SAMD4A: variants seen among roughly 807,000 people sequenced by gnomAD.
SAMD4A encodes sterile alpha motif domain containing 4A, also known as protein Smaug homolog 1.
Under a neutral mutation model 81.3 loss-of-function variants are expected in SAMD4A, and 33 were observed. The ratio of observed to expected loss-of-function variants is 0.41; its 90% CI spans 0.31 to 0.54. The LOEUF (loss-of-function observed/expected upper bound fraction) is 0.54. Ranked by LOEUF, SAMD4A falls within the 20% of genes least tolerant of loss-of-function variation. SAMD4A has a pLI of 0.37. For missense variants in SAMD4A, 854 were observed against 951.1 expected (o/e 0.90, Z 1.34); for synonymous variants, 389 against 382.1 (o/e 1.02, Z -0.21).
intron 2 of SAMD4A, among the ~76,000 whole-genome samples, chr14:54,673,219 G>A (rs2035922662): frequency 6.6e-6 from 1 of 152,166 alleles, no homozygotes; most frequent in African/African-American, 2.4e-5. Context: ...CTGTCTGACA[G>A]CCAAGTCACC....
At chr14:54,775,216 G>C in intron 10 of SAMD4A, 81 bp downstream of exon 10, 1 of 1,538,196 alleles carries the variant, frequency 6.5e-7, no homozygotes, top group African/African-American at 1.4e-5. Context: ...TGACCCCAGG[G>C]TGGGGAGAGA....
At chr14:54,624,077 G>C (rs1419121208) in intron 2 of SAMD4A, among the ~76,000 whole-genome samples, 3 of 152,152 alleles carry the variant, frequency 2.0e-5, no homozygotes, top group Non-Finnish European at 4.4e-5. Flanking sequence ...CCGGGTTCTA[G>C]CGATTCACTT....
At chr14:54,695,438 A>C (rs2036550216) in intron 2 of SAMD4A, among the ~76,000 whole-genome samples, 1 of 152,240 alleles carries the variant, frequency 6.6e-6, no homozygotes, top group Non-Finnish European at 1.5e-5. Flanking sequence ...GAGCATCTTC[A>C]TAATTGGTGT....
chr14:54,617,992 G>T (rs1349381421), intron 2 of SAMD4A, among the ~76,000 whole-genome samples: 1 of 152,170 alleles, frequency 6.6e-6, no homozygotes, highest in East Asian at 1.9e-4. Context: ...GATATAATTT[G>T]ATCTTTAAGA....
chr14:54,635,148 C>T (rs773562701), intron 2 of SAMD4A, among the ~76,000 whole-genome samples: 27 of 152,180 alleles, frequency 1.8e-4, no homozygotes, highest in Non-Finnish European at 3.5e-4. Flanking sequence ...TCCAGCTGGG[C>T]GCTGTGGCTC....
In SAMD4A at chr14:54,568,013, G is replaced by C. The variant is rs755888244; in HGVS notation, c.97G>C (p.Val33Leu). Reference protein sequence around the residue: ...TVALLSLLKRVSQTQARFLQL... With the variant: ...TVALLSLLKRLSQTQARFLQL... ...TGCGCTGCTGTCGCTGCTCAAGCGC[G>C]TGAGCCAGACCCAGGCCCGCTTCCT... is the stretch of plus-strand genomic sequence containing the variant. Residue 33 changes from valine (V) to leucine (L), a missense_variant, in exon 2 of 13, where the codon GTG becomes CTG. By Grantham distance (32) the Val-to-Leu change is conservative (BLOSUM62 1). Coordinates refer to ENST00000554335, the MANE Select transcript of SAMD4A (RefSeq NM_015589.6). 4 of 1,607,686 alleles carry C rather than the reference G, an allele frequency of 2.5e-6. No individual in the cohort carries two copies. The East Asian group carries it at 8.9e-5, about 36-fold the overall frequency.
chr14:54,688,931 C>T (rs117372883), intron 2 of SAMD4A, among the ~76,000 whole-genome samples: 98 of 116,058 alleles, frequency 8.4e-4, no homozygotes, highest in Middle Eastern at 4.7e-3. Flanking sequence ...AGTCGTAATT[C>T]TTTTTTTTTT....
intron 2 of SAMD4A, among the ~76,000 whole-genome samples, chr14:54,678,333 T>G (rs774610976): frequency 5.3e-5 from 8 of 152,164 alleles, no homozygotes; most frequent in Non-Finnish European, 1.0e-4. Flanking sequence ...GAAGGTTTTA[T>G]GACCTGCCTC....
At chr14:54,631,174 G>A (rs2034896241) in intron 2 of SAMD4A, among the ~76,000 whole-genome samples, 1 of 152,122 alleles carries the variant, frequency 6.6e-6, no homozygotes, top group Admixed American at 6.5e-5. Context: ...CTTACTCAAG[G>A]GAGGATCAGC....
chr14:54,777,637 G>A (rs1028377424), intron 11 of SAMD4A, among the ~76,000 whole-genome samples: 34 of 152,112 alleles, frequency 2.2e-4, no homozygotes, highest in African/African-American at 7.5e-4. Flanking sequence ...GGGGGATTCC[G>A]AGTAGAAGTC....
intron 2 of SAMD4A, among the ~76,000 whole-genome samples, chr14:54,661,242 A>G (rs2035636519): frequency 6.6e-6 from 1 of 152,272 alleles, no homozygotes; most frequent in East Asian, 1.9e-4. Flanking sequence ...GGACAATGAT[A>G]TAACTTTACT....
chr14:54,660,509 G>C (rs1169778473), intron 2 of SAMD4A, among the ~76,000 whole-genome samples: 1 of 152,210 alleles, frequency 6.6e-6, no homozygotes, highest in East Asian at 1.9e-4. Context: ...AGTCCAAGGA[G>C]CTTTGAGTTT....
intron 2 of SAMD4A, among the ~76,000 whole-genome samples, chr14:54,651,785 A>G (rs560875236): frequency 1.3e-5 from 2 of 152,298 alleles, no homozygotes; most frequent in South Asian, 4.1e-4. Flanking sequence ...ACTGATTTCC[A>G]TTTGCCCCCG....
chr14:54,783,296 CAGAG>C (rs1196294036), intron 11 of SAMD4A, among the ~76,000 whole-genome samples: 2 of 152,238 alleles, frequency 1.3e-5, no homozygotes, highest in Non-Finnish European at 2.9e-5. Context: ...GTGGGAGATT[CAGAG>C]AGATAGGGAA....
intron 2 of SAMD4A, among the ~76,000 whole-genome samples, chr14:54,671,175 G>C (rs2035873641): frequency 6.6e-6 from 1 of 152,196 alleles, no homozygotes; most frequent in South Asian, 2.1e-4. Flanking sequence ...AAGGGCTCTG[G>C]AACTTGGAAG....
chr14:54,671,007 A>T lies in SAMD4A; in HGVS notation c.197-31055A>T, dbSNP rs149143446. On this transcript the variant is annotated intron_variant, in intron 2 of 12. Coordinates refer to ENST00000554335, the MANE Select transcript of SAMD4A (RefSeq NM_015589.6). Reference sequence around the variant, plus strand: ...AAATATTGACAGGCACCCACCGAGGATGTGCAGAGCTCAGGCGTGGCTGAG... The same window carrying T: ...AAATATTGACAGGCACCCACCGAGGTTGTGCAGAGCTCAGGCGTGGCTGAG... 4.3e-3 allele frequency among the ~76,000 whole-genome samples: 648 copies of T among 152,192 alleles called. 3 individuals carry two copies. The highest frequency in any genetic ancestry group is 0.015 in the African/African-American group (618 of 41,486).
In SAMD4A at chr14:54,737,130, G is replaced by A; in HGVS notation, c.822G>A (p.Glu274=). Reference sequence around the variant, plus strand: ...TAGGACATGGATGGATGTCTCATGAGGACTTACGAGCTAGAGGACCCCAGT... The same window carrying A: ...TAGGACATGGATGGATGTCTCATGAAGACTTACGAGCTAGAGGACCCCAGT... ...QPLGHGWMSH[E]DLRARGPQCL... The change falls in exon 4 of 13, where the codon GAG becomes GAA. Residue 274 remains glutamate (E), a synonymous_variant. Transcript: ENST00000554335. 1.2e-6 allele frequency: 2 copies of A among 1,614,082 alleles called. No individual in the cohort carries two copies. Among genetic ancestry groups the A allele is most frequent in the African/African-American group, 1.3e-5 (1 of 75,002 alleles).
intron 2 of SAMD4A, among the ~76,000 whole-genome samples, chr14:54,572,232 G>A (rs1231912479): frequency 2.6e-5 from 4 of 152,216 alleles, no homozygotes; most frequent in Admixed American, 2.6e-4. Context: ...TAAAAAGTAT[G>A]AGGAGAGGCC....
chr14:54,650,220 C>A (rs2035374130), intron 2 of SAMD4A, among the ~76,000 whole-genome samples: 1 of 152,218 alleles, frequency 6.6e-6, no homozygotes, highest in South Asian at 2.1e-4. Context: ...AGAGGATTTA[C>A]ATATTGTTGA....
Sources: allele counts gnomAD v4.1 joint callset (sites outside exome capture counted in the v4.1 genomes callset), GRCh38; gene constraint gnomAD v4.1.1; transcripts MANE v1.5; gene names NCBI Gene and HGNC (gene_info 2026-07-23, HGNC 2026-07-21).